The following GZF1 variants were observed in gnomAD, a reference collection of about 807,000 sequenced individuals.
The protein encoded by GZF1 is GDNF inducible zinc finger protein 1.
GZF1 carries 28 observed loss-of-function variants against 49.4 expected under a neutral mutation model. The ratio of observed to expected loss-of-function variants is 0.57; its 90% confidence interval spans 0.42 to 0.78. The LOEUF is 0.78. Ranked by LOEUF, GZF1 falls within the 30% of genes least tolerant of loss-of-function variation. The pLI, the probability that GZF1 is intolerant of heterozygous loss-of-function variation, is 0.00. For synonymous variants in GZF1, 364 were observed against 356.0 expected, an observed-to-expected ratio of 1.02 and a Z score of -0.25; for missense variants, 798 against 916.2, an observed-to-expected ratio of 0.87 and a Z score of 1.67.
In GZF1 at chr20:23,369,683, T is replaced by C. The variant is rs1284484897; in HGVS notation, c.1727T>C (p.Met576Thr). The C allele has an allele frequency of 6.2e-7, 1 of 1,614,162 alleles. No individual in the cohort carries two copies. The change falls in exon 5 of 6, where the codon ATG (methionine) becomes ACG (threonine). Residue 576 changes from methionine (M) to threonine (T), a missense_variant. Coordinates refer to ENST00000338121, the MANE Select transcript of GZF1 (RefSeq NM_022482.5). ...RRIHTGERPF[M>T]CNACGRTFTD... Reference sequence around the variant, plus strand: ...ATCCACACAGGGGAGAGGCCATTCATGTGCAATGCGTGCGGACGGACATTC... The same window carrying C: ...ATCCACACAGGGGAGAGGCCATTCACGTGCAATGCGTGCGGACGGACATTC...
intron 4 of GZF1, among the ~76,000 whole-genome samples, 167 bp from the exon 5 acceptor site, chr20:23,369,413 TAGAG>T (rs886789364): frequency 1.6e-4 from 25 of 152,238 alleles, no homozygotes; most frequent in Admixed American, 1.5e-3. Context: ...CTTGGTATTA[TAGAG>T]ATAGTGGATT....
chr20:23,370,263 T>C lies in GZF1; in HGVS notation c.1958T>C (p.Val653Ala). 1 of 1,614,164 alleles carries C rather than the reference T, an allele frequency of 6.2e-7. No individual in the cohort carries two copies. The highest frequency in any genetic ancestry group is 8.5e-7 in the Non-Finnish European group (1 of 1,180,028). ...ENGHFHNLAA[V>A]QDTVPTMQEN... Reference sequence around the variant, plus strand: ...GGCCATTTCCACAACCTGGCTGCAGTCCAAGACACTGTACCTACCATGCAG... The same window carrying C: ...GGCCATTTCCACAACCTGGCTGCAGCCCAAGACACTGTACCTACCATGCAG... The change falls in exon 6 of 6, where the codon GTC becomes GCC. Residue 653 changes from valine (V) to alanine (A), a missense_variant. By Grantham distance (64) the Val-to-Ala change is moderately conservative (BLOSUM62 0). Transcript: ENST00000338121.
In GZF1 at chr20:23,365,145, TGTG is replaced by T. The variant is rs1981155987; in HGVS notation, c.764_766del (p.Val255del). On this transcript the variant is annotated inframe_deletion, in exon 2 of 6. Coordinates refer to ENST00000338121, the MANE Select transcript of GZF1 (RefSeq NM_022482.5). ...AGCAGCAGAAAACTGCTGAGGGTGA[TGTG>T]GGGGACTACAGGTGTCCCCAGGACC... 3 of 1,613,726 alleles carry T rather than the reference TGTG, an allele frequency of 1.9e-6. No individual in the cohort carries two copies. The highest frequency in any genetic ancestry group is 1.7e-5 in the Admixed American group (1 of 59,978).
At position 23,364,833 on chromosome 20, in the gene GZF1, G is replaced by T. The variant is rs761939271; in HGVS notation, c.450G>T (p.Glu150Asp). The change falls in exon 2 of 6, where the codon GAG (glutamate) becomes GAT (aspartate). Residue 150 changes from glutamate (E) to aspartate (D), a missense_variant. Physicochemically the swap from Glu to Asp is conservative, Grantham distance 45. This residue lies in a region of GZF1 where 247 missense variants were observed against 228.5 expected (regional missense o/e 1.08). Transcript: ENST00000338121. ...LQNFSESQEV[E>D]VSSGSQVSAA... ...ATTTCTCAGAGTCTCAGGAGGTGGA[G>T]GTGAGCAGTGGCTCCCAAGTTAGTG... 26 of 1,614,110 alleles carry T rather than the reference G, an allele frequency of 1.6e-5. No homozygotes were observed. The East Asian group carries it at 4.0e-4, about 25-fold the overall frequency.
At chr20:23,361,514 G>C (rs1439810063), upstream of GZF1, among the ~76,000 whole-genome samples, 2 of 152,248 alleles carry the variant, frequency 1.3e-5, no homozygotes, top group African/African-American at 4.8e-5. Context: ...AAAGACGGCA[G>C]GGTGCGGTCC....
chr20:23,371,563 C>CTG lies in GZF1; in HGVS notation c.*1124_*1125dup, dbSNP rs1196559682. 6.5e-5 allele frequency: 10 copies of CTG among 152,738 alleles called. No homozygotes were observed. The highest frequency in any genetic ancestry group is 2.4e-4 in the African/African-American group (10 of 41,562). The allele number at this position is 152,738 out of a possible 1,614,324, so 9.5% of individuals were successfully genotyped here. Reference sequence around the variant, plus strand: ...AACTTTGTCCCAAATGCTTCTTTGGCTGTTTCATGCAGGACTTAATTATTG... The same window carrying CTG: ...AACTTTGTCCCAAATGCTTCTTTGGCTGTGTTTCATGCAGGACTTAATTATTG... On this transcript the variant is annotated 3_prime_UTR_variant, in exon 6 of 6. Coordinates refer to ENST00000338121, the MANE Select transcript of GZF1 (RefSeq NM_022482.5).
upstream of GZF1, among the ~76,000 whole-genome samples, chr20:23,361,510 G>C (rs941216848): frequency 6.6e-6 from 1 of 152,196 alleles, no homozygotes; most frequent in African/African-American, 2.4e-5. Context: ...CAGTAAAGAC[G>C]GCAGGGTGCG....
intron 4 of GZF1, 51 bp downstream of exon 4, chr20:23,368,980 A>G: frequency 7.4e-7 from 1 of 1,351,470 alleles, no homozygotes; most frequent in Non-Finnish European, 1.0e-6. Context: ...CAAAAAAAAA[A>G]TTCTAAAGCT....
rs1245515910 is a variant in GZF1, at chr20:23,364,643, T to C, written c.260T>C (p.Phe87Ser). The change falls in exon 2 of 6, where the codon TTT becomes TCT. Residue 87 changes from phenylalanine to serine, a missense_variant. Phe to Ser is a radical substitution (Grantham distance 155). Transcript: ENST00000338121. ...TTAAATGAAGTGCAGGTTGCTGACT[T>C]TGCTTCATTTCTTGAGTTTGTCTAC... ...VYLNEVQVAD[F>S]ASFLEFVYTA... The C allele has an allele frequency of 1.9e-6, 3 of 1,614,136 alleles. No individual in the cohort carries two copies. Among genetic ancestry groups the C allele is most frequent in the African/African-American group, 2.7e-5 (2 of 74,938 alleles).
chr20:23,369,487 G>A (rs997003907), intron 4 of GZF1, 97 bp from the exon 5 acceptor site: 6 of 1,111,164 alleles, frequency 5.4e-6, no homozygotes, highest in Admixed American at 4.9e-5. Context: ...AGGCTTCCCA[G>A]TGGTTTGCAA....
intron 5 of GZF1, 97 bp from the exon 6 acceptor site, chr20:23,369,994 A>G: frequency 2.7e-6 from 3 of 1,105,986 alleles, no homozygotes; most frequent in East Asian, 2.5e-5. Context: ...CTTATTAGTG[A>G]AAGTTGAAAA....
upstream of GZF1, among the ~76,000 whole-genome samples, chr20:23,361,971 A>G (rs898556024): frequency 4.6e-5 from 7 of 152,216 alleles, no homozygotes; most frequent in East Asian, 5.8e-4. Flanking sequence ...GCGGCGGGTG[A>G]CGCAATGCGG....
intron 3 of GZF1, among the ~76,000 whole-genome samples, chr20:23,368,330 GTTGA>G (rs545816805): frequency 4.4e-4 from 67 of 152,306 alleles, no homozygotes; most frequent in Admixed American, 2.4e-3. Context: ...ATTCAATCAA[GTTGA>G]TTGGAGTTGC....
chr20:23,368,212 CTA>C (rs138845172), intron 3 of GZF1, among the ~76,000 whole-genome samples: 41,998 of 151,996 alleles, frequency 0.28, 5,971 homozygotes, highest in Middle Eastern at 0.38. Flanking sequence ...ATTAAAGTCA[CTA>C]TTTTTATTTT....
chr20:23,362,611 C>A (rs1041056354), intron 1 of GZF1: 4 of 152,262 alleles, frequency 2.6e-5, no homozygotes, highest in African/African-American at 2.4e-5. Flanking sequence ...GACTGGGCTG[C>A]GGGTAGCAGC....
In GZF1 at chr20:23,369,566, CCT is replaced by C. The variant is rs770935094; in HGVS notation, c.1628-12_1628-11del. On this transcript the variant is annotated splice_polypyrimidine_tract_variant and intron_variant, in intron 4 of 5. Transcript: ENST00000338121. ...GGCCAAAGGGACCCACCAGCAGTCT[CCT>C]CTCTCCCTGCCTCAGGGGAGCGTCC... is the stretch of plus-strand genomic sequence containing the variant. The C allele has an allele frequency of 4.4e-6, 7 of 1,597,224 alleles. No individual in the cohort carries two copies. In the Admixed American group the frequency reaches 8.6e-5, roughly 20 times the overall value.
Position 23,370,209 on chromosome 20 carries a change from C to T in GZF1, c.1904C>T (p.Ser635Leu), listed in dbSNP as rs750525985. Reference sequence around the variant, plus strand: ...GAAGAGTATGTGTCATCCAAGCTTTCGGATAAATTGCTGTCTTTTGCAGAA... The same window carrying T: ...GAAGAGTATGTGTCATCCAAGCTTTTGGATAAATTGCTGTCTTTTGCAGAA... ...PDEEYVSSKL[S>L]DKLLSFAENG... The change falls in exon 6 of 6, where the codon TCG (serine) becomes TTG (leucine). Residue 635 changes from serine (S) to leucine (L), a missense_variant. Ser to Leu is a moderately radical substitution (Grantham distance 145). Transcript: ENST00000338121. 18 of 1,614,080 alleles carry T rather than the reference C, an allele frequency of 1.1e-5. No individual in the cohort carries two copies. The highest frequency in any genetic ancestry group is 5.0e-5 in the Admixed American group (3 of 60,010).
In GZF1 at chr20:23,370,695, G is replaced by C. The variant is rs1184760912; in HGVS notation, c.*254G>C. ...AGTGAACATAACCTCACTTAATTCT[G>C]GTGTAGGGTGTATGTGCTAATCGTT... On this transcript the variant is annotated 3_prime_UTR_variant, in exon 6 of 6. Transcript: ENST00000338121. 7 of 480,634 alleles carry C rather than the reference G, an allele frequency of 1.5e-5. No individual in the cohort carries two copies. The highest frequency in any genetic ancestry group is 1.2e-4 in the East Asian group (3 of 25,210). The allele number at this position is 480,634 out of a possible 1,614,324, so 29.8% of individuals were successfully genotyped here. A position where few individuals can be genotyped will look rare whatever the true frequency, so the allele number is the denominator to read the frequency against.
chr20:23,369,889 GGAAT>G (rs1981875611), intron 5 of GZF1, 148 bp downstream of exon 5: 2 of 987,644 alleles, frequency 2.0e-6, no homozygotes, highest in Non-Finnish European at 3.0e-6. Context: ...GAACGCTCAC[GGAAT>G]GAATGAAGTG....
Sources: gnomAD v4.1 joint callset for allele counts (sites outside exome capture counted in the v4.1 genomes callset) on GRCh38, gnomAD v4.1.1 for gene constraint, gnomAD v4.1.1 regional missense constraint, MANE v1.5 for transcripts, NCBI Gene and HGNC (gene_info 2026-07-23, HGNC 2026-07-21) for gene names.